Variants in RPS6KA2 observed in about 807,000 individuals in gnomAD.
The protein encoded by RPS6KA2 is ribosomal protein S6 kinase alpha-2.
A neutral mutation model predicts 91.8 loss-of-function variants in RPS6KA2; 42 were observed. That is an observed-to-expected ratio of 0.46 (90% CI 0.36 to 0.59). The LOEUF is 0.59. Ranked by LOEUF, RPS6KA2 falls within the 20% of genes least tolerant of loss-of-function variation. The pLI, the probability that RPS6KA2 is intolerant of heterozygous loss-of-function variation, is 0.00. For synonymous variants in RPS6KA2, 414 were observed against 393.6 expected (o/e 1.05, Z -0.61); for missense variants, 798 against 978.5 (o/e 0.82, Z 2.46).
intron 1 of RPS6KA2, chr6:166,586,126 A>G (rs1785160818): frequency 1.4e-6 from 2 of 1,466,088 alleles, no homozygotes; most frequent in South Asian, 1.2e-5. Flanking sequence ...TTCTATCAGT[A>G]GTAACCGTAA....
At chr6:166,839,680 CAGGAGAGGAGAGGGG>C (rs1780409892) in intron 2 of RPS6KA2, among the ~76,000 whole-genome samples, 4 of 692 alleles carry the variant, frequency 5.8e-3, no homozygotes, top group Admixed American at 0.019. Context: ...GAAATCAGAG[CAGGAGAGGAGAGGGG>C]AGGAGAGGAG....
At chr6:166,831,981 A>T (rs919010825) in intron 2 of RPS6KA2, among the ~76,000 whole-genome samples, 1 of 152,038 alleles carries the variant, frequency 6.6e-6, no homozygotes, top group African/African-American at 2.4e-5. Flanking sequence ...TAGATAATAG[A>T]TACACAGATA....
At chr6:166,457,649 C>A (rs955562963) in intron 12 of RPS6KA2, among the ~76,000 whole-genome samples, 4 of 152,288 alleles carry the variant, frequency 2.6e-5, no homozygotes, top group African/African-American at 9.6e-5. Flanking sequence ...CAGCTTTCTT[C>A]CTGTTCTTGG....
chr6:166,538,967 ACT>A (rs1783570592), intron 1 of RPS6KA2, among the ~76,000 whole-genome samples, 183 bp from the exon 2 acceptor site: 2 of 150,534 alleles, frequency 1.3e-5, no homozygotes, highest in South Asian at 4.2e-4. Flanking sequence ...ACGGAGTCTC[ACT>A]CTGTCTCCCA....
intron 14 of RPS6KA2, among the ~76,000 whole-genome samples, chr6:166,446,208 T>C (rs1015164566): frequency 1.2e-4 from 18 of 152,218 alleles, no homozygotes; most frequent in Admixed American, 4.6e-4. Context: ...CTGCAGATAA[T>C]TGAACTTGTT....
At chr6:166,677,366 T>A (rs992245439) in intron 2 of RPS6KA2, among the ~76,000 whole-genome samples, 118 of 151,788 alleles carry the variant, frequency 7.8e-4, no homozygotes, top group African/African-American at 2.8e-3. Flanking sequence ...ATATCAGTTT[T>A]TTTTTTTTTT....
chr6:166,848,696 A>G (rs1203905586), intron 2 of RPS6KA2, among the ~76,000 whole-genome samples: 1 of 152,122 alleles, frequency 6.6e-6, no homozygotes, highest in Non-Finnish European at 1.5e-5. Flanking sequence ...ATTGGGAGCT[A>G]AGTTATGAGA....
rs1287558271 is a variant in RPS6KA2, at chr6:166,451,150, G to A, written c.1159C>T (p.Pro387Ser). The change falls in exon 13 of 21, where the codon CCC becomes TCC. Residue 387 changes from proline (P) to serine (S), a missense_variant. Transcript: ENST00000265678. ...SFVASSLIQE[P>S]SQQDLHKVPV... ...ACTTTGTGCAGATCTTGCTGTGAGG[G>A]CTCCTGGATCAGGCTTGAGGCCACA... is the stretch of plus-strand genomic sequence containing the variant. 6.2e-7 allele frequency: 1 copy of A among 1,614,072 alleles called. No homozygotes were observed. Among genetic ancestry groups the A allele is most frequent in the Non-Finnish European group, 8.5e-7 (1 of 1,179,986 alleles).
At chr6:166,698,982 G>A (rs902872588) in intron 2 of RPS6KA2, among the ~76,000 whole-genome samples, 1 of 152,196 alleles carries the variant, frequency 6.6e-6, no homozygotes, top group African/African-American at 2.4e-5. Flanking sequence ...CAGGTGGTCA[G>A]ATGTGTTTTT....
intron 10 of RPS6KA2, among the ~76,000 whole-genome samples, chr6:166,476,996 C>T (rs77801004): frequency 2.0e-5 from 3 of 152,098 alleles, no homozygotes; most frequent in Non-Finnish European, 4.4e-5. Flanking sequence ...TTTGGAGGAA[C>T]GAGAATAAGG....
chr6:166,499,364 C>CT (rs973447469), intron 7 of RPS6KA2, among the ~76,000 whole-genome samples: 58 of 152,202 alleles, frequency 3.8e-4, no homozygotes, highest in African/African-American at 1.4e-3. Context: ...AGGCCATGTC[C>CT]TTGCCCCTGA....
At position 166,701,417 on chromosome 6, in the gene RPS6KA2, C is replaced by T. The variant is rs535481377; in HGVS notation, c.123+156783G>A. The T allele has an allele frequency of 1.8e-5, 23 of 1,268,304 alleles. 1 individual carries two copies. In the South Asian group the frequency reaches 2.7e-4, roughly 15 times the overall value. 78.6% of individuals were successfully genotyped at this position (1,268,304 alleles called of 1,614,324 possible). On this transcript the variant is annotated intron_variant, in intron 2 of 21. Coordinates refer to the RPS6KA2 transcript ENST00000503859. ...AACGAAGTTTTCTTCTTTCATTTTT[C>T]CATAATTCTTCCCTGAGCCTTGAAC... is the stretch of plus-strand genomic sequence containing the variant.
chr6:166,529,406 C>T (rs1011685932), intron 3 of RPS6KA2, among the ~76,000 whole-genome samples: 3 of 151,934 alleles, frequency 2.0e-5, no homozygotes, highest in Non-Finnish European at 2.9e-5. Context: ...GAACATCACA[C>T]ACTGGGGCCT....
chr6:166,668,196 C>A (rs1258244008), intron 2 of RPS6KA2, among the ~76,000 whole-genome samples: 1 of 152,142 alleles, frequency 6.6e-6, no homozygotes, highest in East Asian at 1.9e-4. Context: ...TTTGGAGAAA[C>A]TGAAGGAAAT....
At chr6:166,736,048 C>A (rs563476391) in intron 2 of RPS6KA2, among the ~76,000 whole-genome samples, 1 of 152,172 alleles carries the variant, frequency 6.6e-6, no homozygotes, top group Non-Finnish European at 1.5e-5. Context: ...GACCCCTCGA[C>A]CAATGCAGAA....
In RPS6KA2 at chr6:166,459,476, G is replaced by T. The variant is rs1282213477; in HGVS notation, c.1048C>A (p.Pro350Thr). 3.1e-6 allele frequency: 5 copies of T among 1,614,000 alleles called. No individual in the cohort carries two copies. Among genetic ancestry groups the T allele is most frequent in the East Asian group, 2.2e-5 (1 of 44,874 alleles). Residue 350 changes from proline (P) to threonine (T), a missense_variant, in exon 12 of 21, where the codon CCC becomes ACC. Transcript: ENST00000265678. The surrounding 1 kb of genome is among the most constrained non-coding windows in gnomAD (Gnocchi z 4.9). ...GRPEDTFHFD[P>T]EFTARTPTDS... Reference sequence around the variant, plus strand: ...GTGGGCGTCCGCGCTGTGAACTCGGGGTCAAAGTGGAAGGTGTCCTCAGGC... The same window carrying T: ...GTGGGCGTCCGCGCTGTGAACTCGGTGTCAAAGTGGAAGGTGTCCTCAGGC...
intron 14 of RPS6KA2, among the ~76,000 whole-genome samples, chr6:166,444,464 G>A (rs1310299142): frequency 6.6e-6 from 1 of 152,168 alleles, no homozygotes; most frequent in African/African-American, 2.4e-5. Flanking sequence ...AAAATGGCTT[G>A]TAGTTATTAG....
intron 2 of RPS6KA2, among the ~76,000 whole-genome samples, chr6:166,787,197 G>C (rs531429960): frequency 6.6e-6 from 1 of 152,246 alleles, no homozygotes; most frequent in Non-Finnish European, 1.5e-5. Context: ...GTATGTGGAT[G>C]TTTATCATAG....
chr6:166,541,888 A>G (rs1783667983), intron 1 of RPS6KA2, among the ~76,000 whole-genome samples: 2 of 152,146 alleles, frequency 1.3e-5, no homozygotes, highest in African/African-American at 4.8e-5. Context: ...TTTCTTCCCT[A>G]ATAATATTGC....
Sources: allele counts gnomAD v4.1 joint callset (sites outside exome capture counted in the v4.1 genomes callset), GRCh38; gene constraint gnomAD v4.1.1; non-coding constraint Gnocchi (gnomAD v3.1); transcripts MANE v1.5; gene names NCBI Gene and HGNC (gene_info 2026-07-23, HGNC 2026-07-21).